Variants in CASP8 observed in about 807,000 individuals in gnomAD.
CASP8 encodes the protein caspase-8.
In CASP8, 24 loss-of-function variants were observed where a neutral mutation model predicts 46.3. That is an observed-to-expected ratio of 0.52 (90% CI 0.38 to 0.73). CASP8 has a LOEUF of 0.73. CASP8 is among the 30% of genes least tolerant of loss of function. The probability of loss-of-function intolerance (pLI) is 0.00; values close to 1 mark genes in which losing one functional copy is unlikely to be tolerated. For synonymous variants in CASP8, 188 were observed against 200.4 expected (o/e 0.94, Z 0.52); for missense variants, 460 against 559.0 (o/e 0.82, Z 1.79).
chr2:201,262,291 A>G (rs1359465016), intron 1 of CASP8: 1 of 152,100 alleles, frequency 6.6e-6, no homozygotes, highest in Non-Finnish European at 1.5e-5. Context: ...GCTTTTAGTG[A>G]AATGAGGTTA....
chr2:201,275,922 T>C (rs1948602312), intron 6 of CASP8, among the ~76,000 whole-genome samples: 1 of 152,168 alleles, frequency 6.6e-6, no homozygotes, highest in Non-Finnish European at 1.5e-5. Flanking sequence ...ATATGCTTAA[T>C]AAATACTTAG....
At chr2:201,269,431 G>A in intron 2 of CASP8, 1 of 892,776 alleles carries the variant, frequency 1.1e-6, no homozygotes, top group South Asian at 1.4e-5. Context: ...GCGCCAGTTA[G>A]TCCTAAAAAC....
At chr2:201,269,441 C>A in intron 2 of CASP8, 1 of 1,061,332 alleles carries the variant, frequency 9.4e-7, no homozygotes, top group Non-Finnish European at 1.4e-6. Context: ...GTCCTAAAAA[C>A]CCACAGCCCC....
Position 201,280,359 on chromosome 2 carries a change from C to T in CASP8, c.802+3391C>T, listed in dbSNP as rs144574551. Among the ~76,000 whole-genome samples the T allele has an allele frequency of 2.0e-5, 3 of 152,200 alleles. No individual in the cohort carries two copies. In the East Asian group the frequency reaches 5.8e-4, roughly 29 times the overall value. On this transcript the variant is annotated intron_variant, in intron 7 of 8. Transcript: ENST00000673742. ...CAGAGAAAGGGGAAATGGAACTTTC[C>T]AAGAACGAAATGACGCAATCTCCAG...
Position 201,285,087 on chromosome 2 carries a change from G to C in CASP8, c.1074G>C (p.Gln358His), listed in dbSNP as rs2125484681. 1 of 1,614,142 alleles carries C rather than the reference G, an allele frequency of 6.2e-7. No homozygotes were observed. Among genetic ancestry groups the C allele is most frequent in the South Asian group, 1.1e-5 (1 of 91,080 alleles). ...LAGKPKVFFI[Q>H]ACQGDNYQKG... is the part of the protein sequence containing the mutation. Reference sequence around the variant, plus strand: ...GAAAACCCAAAGTGTTTTTTATTCAGGCTTGTCAGGGGGATAACTACCAGA... The same window carrying C: ...GAAAACCCAAAGTGTTTTTTATTCACGCTTGTCAGGGGGATAACTACCAGA... Residue 358 changes from glutamine (Q) to histidine (H), a missense_variant, in exon 8 of 9, where the codon CAG (glutamine) becomes CAC (histidine). By Grantham distance (24) the Gln-to-His change is conservative. Transcript: ENST00000673742.
intron 2 of CASP8, among the ~76,000 whole-genome samples, chr2:201,254,251 G>C (rs6736233): frequency 0.16 from 24,418 of 152,116 alleles, 3,507 homozygotes; most frequent in African/African-American, 0.38. Flanking sequence ...AAGCTGCAGA[G>C]TATGCAGATT....
upstream of CASP8, chr2:201,258,415 C>A: frequency 6.2e-7 from 1 of 1,613,206 alleles, no homozygotes; most frequent in Non-Finnish European, 8.5e-7. Flanking sequence ...GCCTCTTCAA[C>A]AGGAAACCAC....
At chr2:201,243,559 G>A (rs1437543230) in intron 2 of CASP8, among the ~76,000 whole-genome samples, 4 of 152,034 alleles carry the variant, frequency 2.6e-5, no homozygotes, top group Non-Finnish European at 4.4e-5. Flanking sequence ...TCTGATTTTT[G>A]TCAAATACTA....
intron 2 of CASP8, among the ~76,000 whole-genome samples, chr2:201,253,485 G>A (rs1946880207): frequency 1.3e-5 from 2 of 151,498 alleles, no homozygotes; most frequent in Non-Finnish European, 2.9e-5. Flanking sequence ...AGGATCTAAT[G>A]ATATAAAATA....
At chr2:201,259,624 A>G (rs1947243765), upstream of CASP8, among the ~76,000 whole-genome samples, 1 of 152,218 alleles carries the variant, frequency 6.6e-6, no homozygotes, top group African/African-American at 2.4e-5. Context: ...GTTTCAAAGA[A>G]GAGAGGTGTT....
At chr2:201,282,085 C>G (rs1301913638) in intron 7 of CASP8, among the ~76,000 whole-genome samples, 56 of 68,332 alleles carry the variant, frequency 8.2e-4, no homozygotes, top group African/African-American at 2.7e-3. Flanking sequence ...ACCCTGCGGC[C>G]TTCCGCAGTG....
At chr2:201,275,003 T>C in intron 6 of CASP8, 50 bp downstream of exon 6, 3 of 1,333,322 alleles carry the variant, frequency 2.3e-6, no homozygotes, top group Non-Finnish European at 3.2e-6. Flanking sequence ...ATTCTAGTTA[T>C]TTAATTTGTT....
chr2:201,269,214 C>T (rs1351586385), intron 2 of CASP8, among the ~76,000 whole-genome samples: 1 of 152,050 alleles, frequency 6.6e-6, no homozygotes, highest in Non-Finnish European at 1.5e-5. Context: ...TCTGGGATTA[C>T]GGGCATGAGC....
intron 1 of CASP8, among the ~76,000 whole-genome samples, chr2:201,263,907 CTG>C (rs963031028): frequency 1.3e-5 from 2 of 152,222 alleles, no homozygotes; most frequent in Admixed American, 6.5e-5. Context: ...ACAGTACAAA[CTG>C]TGCAGCAAGG....
chr2:201,270,414 C>T (rs573811437), intron 2 of CASP8, among the ~76,000 whole-genome samples: 1 of 152,284 alleles, frequency 6.6e-6, no homozygotes, highest in African/African-American at 2.4e-5. Context: ...TAACACTGCT[C>T]AAAGATAGTG....
intron 2 of CASP8, among the ~76,000 whole-genome samples, chr2:201,235,564 A>G (rs1391961069): frequency 1.3e-5 from 2 of 152,154 alleles, no homozygotes; most frequent in East Asian, 1.9e-4. Context: ...TTAATTATGC[A>G]TGCTTTTAGT....
chr2:201,281,645 T>C (rs1196813825), intron 7 of CASP8, among the ~76,000 whole-genome samples: 1 of 152,204 alleles, frequency 6.6e-6, no homozygotes, highest in African/African-American at 2.4e-5. Flanking sequence ...TTTGAGAAGG[T>C]TTAGGATAAA....
intron 2 of CASP8, among the ~76,000 whole-genome samples, chr2:201,236,483 G>A (rs1334367497): frequency 6.6e-6 from 1 of 152,130 alleles, no homozygotes; most frequent in Non-Finnish European, 1.5e-5. Flanking sequence ...AAGAACCATC[G>A]GTATTTTGTG....
At chr2:201,281,940 T>C (rs1408721420) in intron 7 of CASP8, 3 of 180,482 alleles carry the variant, frequency 1.7e-5, no homozygotes, top group South Asian at 9.6e-5. Context: ...ATTCTTTTTT[T>C]TTTTTTTTTT....
Sources: allele counts gnomAD v4.1 joint callset (sites outside exome capture counted in the v4.1 genomes callset), GRCh38; gene constraint gnomAD v4.1.1; transcripts MANE v1.5; gene names NCBI Gene and HGNC (gene_info 2026-07-23, HGNC 2026-07-21).